The following SPIDR variants were observed in gnomAD, a reference collection of about 807,000 sequenced individuals.
The protein encoded by SPIDR is DNA repair-scaffolding protein.
In SPIDR, 93 loss-of-function variants were observed where a neutral mutation model predicts 104.6. The ratio of observed to expected loss-of-function variants is 0.89; its 90% CI spans 0.75 to 1.06. The LOEUF is 1.06. SPIDR is among the 50% of genes least tolerant of loss of function. SPIDR has a pLI of 0.00. For missense variants in SPIDR, 1,154 were observed against 1,111.2 expected, an observed-to-expected ratio of 1.04 and a Z score of -0.55; for synonymous variants, 431 against 416.9, an observed-to-expected ratio of 1.03 and a Z score of -0.41.
chr8:47,361,471 G>T (rs1332968807), intron 5 of SPIDR, among the ~76,000 whole-genome samples: 5 of 152,186 alleles, frequency 3.3e-5, no homozygotes, highest in Admixed American at 3.3e-4. Flanking sequence ...GGTTGGATGA[G>T]GCTGGGTTAG....
chr8:47,610,105 T>C (rs2063423606), intron 10 of SPIDR, among the ~76,000 whole-genome samples: 1 of 152,172 alleles, frequency 6.6e-6, no homozygotes, highest in South Asian at 2.1e-4. Context: ...GGTGGCCCTA[T>C]ATAAAAGCCA....
rs570916350 is a variant in SPIDR, at chr8:47,336,592, G to A, written c.525+42562G>A. ...CATTGTTTGGATGTGGTGATCTGGT[G>A]AATTTCAGTTCTTTGATATTTTTTG... On this transcript the variant is annotated intron_variant, in intron 5 of 19. Coordinates refer to ENST00000297423, the MANE Select transcript of SPIDR (RefSeq NM_001080394.4). Among the ~76,000 whole-genome samples, 63 of 152,304 alleles carry A rather than the reference G, an allele frequency of 4.1e-4. No individual in the cohort carries two copies. The South Asian group carries it at 0.013, about 32-fold the overall frequency.
chr8:47,661,035 G>A lies in SPIDR; in HGVS notation c.1545-12766G>A, dbSNP rs1368554434. On this transcript the variant is annotated intron_variant, in intron 10 of 19. Coordinates refer to ENST00000297423, the MANE Select transcript of SPIDR (RefSeq NM_001080394.4). ...AAACTCCTAGTGTCCGTGTCCATTC[G>A]TGTCATGTGGTGCCTGCTCCCCTGC... is the stretch of plus-strand genomic sequence containing the variant. 2.0e-5 allele frequency: 18 copies of A among 887,140 alleles called. No homozygotes were observed. In the East Asian group the frequency reaches 3.6e-4, roughly 18 times the overall value. The allele number at this position is 887,140 out of a possible 1,614,324, so 55.0% of individuals were successfully genotyped here.
At chr8:47,656,333 CAAATA>C (rs1393015532) in intron 10 of SPIDR, among the ~76,000 whole-genome samples, 1 of 151,854 alleles carries the variant, frequency 6.6e-6, no homozygotes, top group Non-Finnish European at 1.5e-5. Context: ...AAAAGATACC[CAAATA>C]AAAGATGGTT....
intron 11 of SPIDR, among the ~76,000 whole-genome samples, chr8:47,695,400 C>T (rs1241634525): frequency 1.3e-5 from 2 of 152,032 alleles, no homozygotes; most frequent in African/African-American, 4.8e-5. Context: ...TGATTCCAAG[C>T]TCTCTGAGGG....
intron 11 of SPIDR, among the ~76,000 whole-genome samples, chr8:47,691,273 A>G (rs556274078): frequency 6.8e-6 from 1 of 147,928 alleles, no homozygotes; most frequent in East Asian, 2.0e-4. Context: ...CTTGGACAAC[A>G]GAGCAAGACT....
chr8:47,264,275 A>G (rs2033346818), intron 1 of SPIDR, among the ~76,000 whole-genome samples: 1 of 152,226 alleles, frequency 6.6e-6, no homozygotes, highest in Non-Finnish European at 1.5e-5. Flanking sequence ...TGCAATTGAA[A>G]GAGGAAGAGG....
intron 8 of SPIDR, among the ~76,000 whole-genome samples, chr8:47,560,362 C>T (rs2056906168): frequency 6.6e-6 from 1 of 152,220 alleles, no homozygotes; most frequent in Non-Finnish European, 1.5e-5. Flanking sequence ...AAACTAGTCC[C>T]TCACCAGCTC....
intron 10 of SPIDR, among the ~76,000 whole-genome samples, chr8:47,602,780 A>G (rs148490904): frequency 0.011 from 1,663 of 152,370 alleles, 19 homozygotes; most frequent in Non-Finnish European, 0.018. Context: ...AGCTAGTCCT[A>G]TTCAGGGTCA....
At chr8:47,646,073 T>G (rs1166565864) in intron 10 of SPIDR, among the ~76,000 whole-genome samples, 2 of 152,204 alleles carry the variant, frequency 1.3e-5, no homozygotes, top group Non-Finnish European at 2.9e-5. Flanking sequence ...CCACTCTTTC[T>G]AGTACATGAG....
At chr8:47,314,326 G>GA (rs1426959132) in intron 5 of SPIDR, among the ~76,000 whole-genome samples, 2 of 151,998 alleles carry the variant, frequency 1.3e-5, no homozygotes, top group African/African-American at 4.8e-5. Context: ...TAGAGAAAAT[G>GA]AAAAAAGGTA....
chr8:47,352,461 T>G (rs2053717234), intron 5 of SPIDR, among the ~76,000 whole-genome samples: 1 of 152,084 alleles, frequency 6.6e-6, no homozygotes, highest in African/African-American at 2.4e-5. Flanking sequence ...CCACTAGCAG[T>G]AAATGTGGTG....
chr8:47,311,424 A>T (rs1554584964), intron 5 of SPIDR, among the ~76,000 whole-genome samples: 1 of 152,180 alleles, frequency 6.6e-6, no homozygotes, highest in Non-Finnish European at 1.5e-5. Context: ...TTGGTAAAAA[A>T]CATGAATTTA....
rs202093527 is a variant in SPIDR, at chr8:47,636,969, T to TGAG, written c.1545-36830_1545-36828dup. Among the ~76,000 whole-genome samples, 1,446 of 152,162 alleles carry TGAG rather than the reference T, an allele frequency of 9.5e-3. 35 individuals are homozygous for TGAG. Among genetic ancestry groups the TGAG allele is most frequent in the African/African-American group, 0.032 (1,327 of 41,490 alleles). ...TCAACCAGGAGCCTTGGCAGGAGGG[T>TGAG]GAGGGGTCCTGGAATTGACAGACAT... On this transcript the variant is annotated intron_variant, in intron 10 of 19. Transcript: ENST00000297423.
At chr8:47,408,728 A>C (rs755702248) in intron 7 of SPIDR, among the ~76,000 whole-genome samples, 1 of 152,242 alleles carries the variant, frequency 6.6e-6, no homozygotes. Context: ...AAAAAAAGTT[A>C]GAACTAATAA....
intron 5 of SPIDR, among the ~76,000 whole-genome samples, chr8:47,336,022 C>T (rs1321223814): frequency 6.6e-6 from 1 of 151,660 alleles, no homozygotes; most frequent in Non-Finnish European, 1.5e-5. Flanking sequence ...GATTCTCAGT[C>T]ATTGTTGTTT....
At chr8:47,710,274 T>G (rs753321464) in intron 14 of SPIDR, among the ~76,000 whole-genome samples, 8 of 152,158 alleles carry the variant, frequency 5.3e-5, no homozygotes, top group Middle Eastern at 3.2e-3. Flanking sequence ...ACTTTGTTCA[T>G]AACCCCAATA....
chr8:47,404,511 T>A (rs1321141359), intron 6 of SPIDR, among the ~76,000 whole-genome samples: 1 of 151,654 alleles, frequency 6.6e-6, no homozygotes, highest in Non-Finnish European at 1.5e-5. Flanking sequence ...CAAGAAAGAA[T>A]CAAACAACCC....
chr8:47,394,920 A>C (rs1171772666), intron 5 of SPIDR, among the ~76,000 whole-genome samples: 1 of 152,238 alleles, frequency 6.6e-6, no homozygotes, highest in Non-Finnish European at 1.5e-5. Flanking sequence ...TGAGGACAGT[A>C]GAACTAAGCT....
Sources: gnomAD v4.1 joint callset for allele counts (sites outside exome capture counted in the v4.1 genomes callset) on GRCh38, gnomAD v4.1.1 for gene constraint, MANE v1.5 for transcripts, NCBI Gene and HGNC (gene_info 2026-07-23, HGNC 2026-07-21) for gene names.